DNAH14: variants seen among roughly 807,000 people sequenced by gnomAD.
DNAH14 encodes dynein axonemal heavy chain 14, also known as axonemal beta dynein heavy chain 14.
DNAH14 carries 478 observed loss-of-function variants against 520.9 expected under a neutral mutation model. The ratio of observed to expected loss-of-function variants is 0.92; its 90% CI spans 0.85 to 0.99. DNAH14 has a LOEUF of 0.99. Among genes scored for constraint, DNAH14 ranks in the 50% least tolerant of loss-of-function variants. The probability of loss-of-function intolerance (pLI) is 0.00; values close to 1 mark genes in which losing one functional copy is unlikely to be tolerated. For missense variants in DNAH14, 4,831 were observed against 5,234.5 expected, an observed-to-expected ratio of 0.92 and a Z score of 2.38; for synonymous variants, 1,581 against 1,757.2, an observed-to-expected ratio of 0.90 and a Z score of 2.51.
At chr1:225,159,707 G>C (rs912866905) in intron 35 of DNAH14, among the ~76,000 whole-genome samples, 6 of 152,004 alleles carry the variant, frequency 3.9e-5, no homozygotes, top group African/African-American at 1.5e-4. Context: ...GTACCTTTAG[G>C]CAAGGATGAT....
intron 55 of DNAH14, among the ~76,000 whole-genome samples, chr1:225,290,374 T>C (rs148954854): frequency 6.6e-6 from 1 of 152,000 alleles, no homozygotes. Flanking sequence ...TTTATCTGTG[T>C]AGCTGAGGTC....
At chr1:225,268,075 A>G (rs543312988) in intron 49 of DNAH14, among the ~76,000 whole-genome samples, 4 of 152,224 alleles carry the variant, frequency 2.6e-5, no homozygotes, top group Admixed American at 6.5e-5. Flanking sequence ...GACACACTCA[A>G]TTGGCTCTTC....
intron 10 of DNAH14, among the ~76,000 whole-genome samples, chr1:225,019,108 T>C (rs2065445705): frequency 6.6e-6 from 1 of 152,174 alleles, no homozygotes; most frequent in Non-Finnish European, 1.5e-5. Flanking sequence ...ATGCCCCACT[T>C]TAAAGGCCAA....
At chr1:225,350,933 A>G (rs2095356315) in intron 71 of DNAH14, among the ~76,000 whole-genome samples, 1 of 152,202 alleles carries the variant, frequency 6.6e-6, no homozygotes, top group Non-Finnish European at 1.5e-5. Context: ...AAGATACTAC[A>G]AGTAAACTAC....
At chr1:225,017,824 A>G (rs895297114) in intron 10 of DNAH14, among the ~76,000 whole-genome samples, 1 of 152,166 alleles carries the variant, frequency 6.6e-6, no homozygotes, top group Non-Finnish European at 1.5e-5. Context: ...GGCCCACTGA[A>G]AGCATTCAGA....
At chr1:225,125,594 C>G (rs2077653707) in intron 27 of DNAH14, among the ~76,000 whole-genome samples, 1 of 152,166 alleles carries the variant, frequency 6.6e-6, no homozygotes, top group African/African-American at 2.4e-5. Flanking sequence ...AGAGTTAGAG[C>G]CTTGCTCTGG....
chr1:225,220,165 A>G (rs1033315736), intron 41 of DNAH14, among the ~76,000 whole-genome samples: 1 of 152,224 alleles, frequency 6.6e-6, no homozygotes, highest in Non-Finnish European at 1.5e-5. Flanking sequence ...TCTCAAAATA[A>G]TAAGAGCTAT....
At chr1:225,025,552 C>T (rs1039975245) in intron 11 of DNAH14, among the ~76,000 whole-genome samples, 11 of 150,490 alleles carry the variant, frequency 7.3e-5, no homozygotes, top group African/African-American at 1.2e-4. Flanking sequence ...GGCAACAAAG[C>T]GAAACCCCAT....
intron 1 of DNAH14, among the ~76,000 whole-genome samples, chr1:224,944,868 A>T (rs1386515078): frequency 2.0e-5 from 3 of 152,194 alleles, no homozygotes; most frequent in Non-Finnish European, 4.4e-5. Flanking sequence ...ATCAGCTGTT[A>T]GTGTGATGGG....
chr1:225,263,188 C>A (rs151310595), intron 46 of DNAH14, among the ~76,000 whole-genome samples: 4 of 149,536 alleles, frequency 2.7e-5, no homozygotes, highest in Admixed American at 2.7e-4. Context: ...TCCTACTATG[C>A]GAGATATATA....
At chr1:225,011,188 G>T (rs1018201862) in intron 10 of DNAH14, among the ~76,000 whole-genome samples, 2 of 152,054 alleles carry the variant, frequency 1.3e-5, no homozygotes, top group Admixed American at 1.3e-4. Context: ...TAATTGTGAT[G>T]TTAGGGTGTC....
chr1:225,365,770 G>A (rs2095545312), intron 76 of DNAH14, among the ~76,000 whole-genome samples: 1 of 151,994 alleles, frequency 6.6e-6, no homozygotes, highest in South Asian at 2.1e-4. Flanking sequence ...TCAGGAGAGG[G>A]GAATTGGGGG....
rs79075305 is a variant in DNAH14, at chr1:225,364,464, C to T, written c.11988-328C>T. ...TTATTCAAGGATTATAATTGTTTAC[C>T]GTCATCATTTATTTTGACATTCAAT... is the stretch of plus-strand genomic sequence containing the variant. On this transcript the variant is annotated intron_variant, in intron 75 of 85. Coordinates refer to ENST00000682510, the MANE Select transcript of DNAH14 (RefSeq NM_001367479.1). Among the ~76,000 whole-genome samples the T allele has an allele frequency of 3.4e-3, 523 of 151,970 alleles. 2 individuals carry two copies. Among genetic ancestry groups the T allele is most frequent in the African/African-American group, 0.012 (478 of 41,430 alleles).
Position 225,079,563 on chromosome 1 carries a change from T to G in DNAH14, c.2766+15T>G, listed in dbSNP as rs2072845991. ...TAAAAGCCAAGGTAAGTTTTTAGGGTTTTTTTGGATTTTTTTTTTATTAAA... is the reference window on the plus strand; with the variant it reads ...TAAAAGCCAAGGTAAGTTTTTAGGGGTTTTTTGGATTTTTTTTTTATTAAA... On this transcript the variant is annotated intron_variant, in intron 18 of 85. Transcript: ENST00000682510. 6 of 1,489,970 alleles carry G rather than the reference T, an allele frequency of 4.0e-6. No homozygotes were observed. The South Asian group carries it at 8.1e-5, about 20-fold the overall frequency. The allele number at this position is 1,489,970 out of a possible 1,614,324, so 92.3% of individuals were successfully genotyped here. A position where few individuals can be genotyped will look rare whatever the true frequency, so the allele number is the denominator to read the frequency against.
chr1:224,986,334 A>G (rs12562914), intron 8 of DNAH14, among the ~76,000 whole-genome samples: 8,099 of 146,592 alleles, frequency 0.055, 423 homozygotes, highest in East Asian at 0.22. Flanking sequence ...AAAAAAAAAA[A>G]AAAAGAAAAC....
Position 225,119,323 on chromosome 1 carries a change from A to G in DNAH14, c.4166+29A>G. 2.1e-6 allele frequency: 3 copies of G among 1,404,400 alleles called. No homozygotes were observed. The South Asian group carries it at 4.4e-5, about 21-fold the overall frequency. 87.0% of individuals were successfully genotyped at this position (1,404,400 alleles called of 1,614,324 possible). ...AGTACAATTTTCAAATCCTAAAATT[A>G]TATATTTTATATATATACTTGCACA... On this transcript the variant is annotated intron_variant, in intron 26 of 85. Coordinates refer to ENST00000682510, the MANE Select transcript of DNAH14 (RefSeq NM_001367479.1).
In DNAH14 at chr1:225,100,734, A is replaced by C. The variant is rs1331693880; in HGVS notation, c.3717A>C (p.Glu1239Asp). 1.3e-6 allele frequency: 2 copies of C among 1,514,006 alleles called. No individual in the cohort carries two copies. Among genetic ancestry groups the C allele is most frequent in the South Asian group, 2.6e-5 (2 of 76,092 alleles). The allele number at this position is 1,514,006 out of a possible 1,614,324, so 93.8% of individuals were successfully genotyped here. ...EIRRQLPAET[E>D]LFSQVISMWK... ...AAAGGCAACTCCCAGCAGAAACAGA[A>C]CTTTTCTCTCAAGTGATTTCCATGT... Residue 1239 changes from glutamate (E) to aspartate (D), a missense_variant, in exon 23 of 86, where the codon GAA becomes GAC. By Grantham distance (45) the Glu-to-Asp change is conservative (BLOSUM62 2). Coordinates refer to ENST00000682510, the MANE Select transcript of DNAH14 (RefSeq NM_001367479.1).
At chr1:225,228,350 A>G (rs1408469255) in intron 41 of DNAH14, among the ~76,000 whole-genome samples, 4 of 152,196 alleles carry the variant, frequency 2.6e-5, no homozygotes, top group African/African-American at 7.2e-5. Flanking sequence ...AACAAGATGC[A>G]CTGGCATTCT....
intron 77 of DNAH14, among the ~76,000 whole-genome samples, chr1:225,369,787 T>C (rs1003199602): frequency 1.5e-4 from 23 of 152,208 alleles, no homozygotes; most frequent in African/African-American, 5.5e-4. Flanking sequence ...TGGGCCACGT[T>C]ATCTGAACAC....
Sources: gnomAD v4.1 joint callset for allele counts (sites outside exome capture counted in the v4.1 genomes callset) on GRCh38, gnomAD v4.1.1 for gene constraint, MANE v1.5 for transcripts, NCBI Gene and HGNC (gene_info 2026-07-23, HGNC 2026-07-21) for gene names.